The following PRIM2 variants were observed in gnomAD, a reference collection of about 807,000 sequenced individuals.
The protein encoded by PRIM2 is DNA primase large subunit.
Under a neutral mutation model 67.3 loss-of-function variants are expected in PRIM2, and 39 were observed. The ratio of observed to expected loss-of-function variants is 0.58; its 90% confidence interval spans 0.45 to 0.76. The LOEUF is 0.76. PRIM2 is among the 30% of genes least tolerant of loss of function. The pLI is 0.00. For synonymous variants in PRIM2, 143 were observed against 198.7 expected, an observed-to-expected ratio of 0.72 and a Z score of 2.36; for missense variants, 398 against 598.7, an observed-to-expected ratio of 0.66 and a Z score of 3.50.
At chr6:57,374,475 G>A (rs1365300346) in intron 5 of PRIM2, among the ~76,000 whole-genome samples, 1 of 151,032 alleles carries the variant, frequency 6.6e-6, no homozygotes, top group East Asian at 1.9e-4. Context: ...TGTATTTTTA[G>A]TAGAGACGGG....
chr6:57,227,207 G>A, the PRIM2 span, among the ~76,000 whole-genome samples: 2 of 152,006 alleles, frequency 1.3e-5, no homozygotes, highest in South Asian at 4.2e-4. Flanking sequence ...TGAGAACTTC[G>A]CTCATGGTAA....
At chr6:57,289,868 C>T in the PRIM2 span, among the ~76,000 whole-genome samples, 1 of 152,096 alleles carries the variant, frequency 6.6e-6, no homozygotes, top group African/African-American at 2.4e-5. Context: ...ATTGTAAAGA[C>T]CATCAATGCT....
chr6:57,625,382 G>A (rs1489018453), intron 12 of PRIM2, among the ~76,000 whole-genome samples: 9 of 152,240 alleles, frequency 5.9e-5, no homozygotes, highest in East Asian at 5.8e-4. Flanking sequence ...GTGGATTAAA[G>A]CCAGTTAAAC....
intron 7 of PRIM2, among the ~76,000 whole-genome samples, chr6:57,481,585 G>GTT (rs1235373337): frequency 4.1e-5 from 6 of 145,258 alleles, no homozygotes; most frequent in Admixed American, 6.8e-5. Context: ...AGGTTTTTGG[G>GTT]TTTTTTTTTT....
chr6:57,516,979 G>A (rs1168404159), intron 8 of PRIM2, among the ~76,000 whole-genome samples: 1 of 152,152 alleles, frequency 6.6e-6, no homozygotes, highest in East Asian at 1.9e-4. Context: ...CAGTGGTTTT[G>A]TAGCTTATCT....
intron 5 of PRIM2, among the ~76,000 whole-genome samples, chr6:57,358,488 G>A (rs889527093): frequency 6.6e-6 from 1 of 152,192 alleles, no homozygotes; most frequent in African/African-American, 2.4e-5. Flanking sequence ...TGTCAGAACA[G>A]GAGAGATGTT....
At chr6:57,479,922 A>G (rs1773573545) in intron 7 of PRIM2, among the ~76,000 whole-genome samples, 1 of 152,240 alleles carries the variant, frequency 6.6e-6, no homozygotes, top group African/African-American at 2.4e-5. Context: ...GATAATTTAC[A>G]TTACAGAGTA....
chr6:57,402,320 C>T (rs920174234), intron 7 of PRIM2, among the ~76,000 whole-genome samples: 1 of 152,138 alleles, frequency 6.6e-6, no homozygotes, highest in African/African-American at 2.4e-5. Flanking sequence ...GCTGGAGACC[C>T]CACATTTCTC....
intron 10 of PRIM2, among the ~76,000 whole-genome samples, chr6:57,576,722 G>A (rs1181157473): frequency 4.6e-5 from 7 of 150,698 alleles, no homozygotes; most frequent in African/African-American, 1.5e-4. Context: ...GGTTTGATAT[G>A]CTGCTTCTTT....
intron 10 of PRIM2, among the ~76,000 whole-genome samples, chr6:57,576,684 A>G (rs1407050800): frequency 6.6e-6 from 1 of 150,472 alleles, no homozygotes; most frequent in Non-Finnish European, 1.5e-5. Flanking sequence ...CTCTTCCGTC[A>G]TGGACATTTT....
intron 12 of PRIM2, among the ~76,000 whole-genome samples, chr6:57,614,198 C>T (rs1776714195): frequency 6.6e-6 from 1 of 152,128 alleles, no homozygotes; most frequent in African/African-American, 2.4e-5. Context: ...ACTGTGCATG[C>T]GAGGGATCTA....
chr6:57,523,465 A>G (rs1189311675), intron 8 of PRIM2, among the ~76,000 whole-genome samples: 1 of 152,258 alleles, frequency 6.6e-6, no homozygotes, highest in Non-Finnish European at 1.5e-5. Context: ...GAGAAGTTGC[A>G]GCCAATTCCT....
chr6:57,474,020 A>G (rs1773404833), intron 7 of PRIM2, among the ~76,000 whole-genome samples: 2 of 151,856 alleles, frequency 1.3e-5, no homozygotes, highest in South Asian at 2.1e-4. Flanking sequence ...CATTTTGTTT[A>G]GATTTCACAT....
chr6:57,455,255 G>A (rs141486565), intron 7 of PRIM2, among the ~76,000 whole-genome samples: 3 of 152,150 alleles, frequency 2.0e-5, no homozygotes, highest in Non-Finnish European at 4.4e-5. Context: ...AGAAGAATGT[G>A]TATTCTGTTG....
At chr6:57,641,183 C>T in intron 13 of PRIM2, among the ~76,000 whole-genome samples, 1 of 152,130 alleles carries the variant, frequency 6.6e-6, no homozygotes. Context: ...ACTGGCTAGC[C>T]ATATGCAGAA....
the PRIM2 span, among the ~76,000 whole-genome samples, chr6:57,298,352 C>T: frequency 6.3e-4 from 96 of 152,104 alleles, no homozygotes; most frequent in Admixed American, 2.6e-3. Context: ...CAGGGTGAGA[C>T]TCTGTCTCAA....
At chr6:57,616,268 C>A (rs1239495494) in intron 12 of PRIM2, among the ~76,000 whole-genome samples, 4 of 152,174 alleles carry the variant, frequency 2.6e-5, no homozygotes, top group African/African-American at 9.7e-5. Flanking sequence ...ATTTGATTCC[C>A]ACCACTACAT....
At chr6:57,601,000 C>G (rs1429045283) in intron 10 of PRIM2, 93 bp from the exon 11 acceptor site, 3 of 1,186,920 alleles carry the variant, frequency 2.5e-6, no homozygotes, top group African/African-American at 3.1e-5. Flanking sequence ...TAGAAAATAT[C>G]GCTTTGCACT....
chr6:57,419,377 A>C (rs1316473642), intron 7 of PRIM2, among the ~76,000 whole-genome samples: 1 of 152,190 alleles, frequency 6.6e-6, no homozygotes, highest in Non-Finnish European at 1.5e-5. Flanking sequence ...ACTTTGGTGT[A>C]TGTGATACAG....
Sources: gnomAD v4.1 joint callset for allele counts (sites outside exome capture counted in the v4.1 genomes callset) on GRCh38, gnomAD v4.1.1 for gene constraint, MANE v1.5 for transcripts, NCBI Gene and HGNC (gene_info 2026-07-23, HGNC 2026-07-21) for gene names.